The following SLC28A1 variants were observed in gnomAD, a reference collection of about 807,000 sequenced individuals.
SLC28A1 encodes sodium/nucleoside cotransporter 1.
Under a neutral mutation model 74.8 loss-of-function variants are expected in SLC28A1, and 64 were observed. The observed-to-expected ratio is 0.86, with a 90% CI of 0.70 to 1.05. The LOEUF (loss-of-function observed/expected upper bound fraction) is 1.05. Among genes scored for constraint, SLC28A1 ranks in the 50% least tolerant of loss-of-function variants. The pLI, the probability that SLC28A1 is intolerant of heterozygous loss-of-function variation, is 0.00. For synonymous variants in SLC28A1, 359 were observed against 335.0 expected (o/e 1.07, Z -0.78); for missense variants, 828 against 822.8 (o/e 1.01, Z -0.08).
In SLC28A1 at chr15:84,890,433, T is replaced by C. The variant is rs934293196; in HGVS notation, c.186-10T>C. On this transcript the variant is annotated splice_polypyrimidine_tract_variant and intron_variant, in intron 4 of 18. Transcript: ENST00000394573. ...CATGCACTCATGGACCCTGCTGGTC[T>C]TGTTCCCAGGAGGAACCTGCAGCCA... 1.2e-6 allele frequency: 2 copies of C among 1,601,980 alleles called. No homozygotes were observed. The highest frequency in any genetic ancestry group is 1.7e-6 in the Non-Finnish European group (2 of 1,174,674).
intron 13 of SLC28A1, 21 bp from the exon 14 acceptor site, chr15:84,935,005 C>T: frequency 6.2e-7 from 1 of 1,611,376 alleles, no homozygotes; most frequent in Non-Finnish European, 8.5e-7. Flanking sequence ...CAGTAATGAT[C>T]ATTCTTGATC....
chr15:84,885,748 AGG>A (rs1318050188), intron 1 of SLC28A1, among the ~76,000 whole-genome samples: 6 of 151,054 alleles, frequency 4.0e-5, no homozygotes, highest in Admixed American at 2.0e-4. Flanking sequence ...AAAAAAAAAA[AGG>A]AGGAAAATGC....
Position 84,923,091 on chromosome 15 carries a change from GCA to G in SLC28A1, c.958-893_958-892del, listed in dbSNP as rs1970038916. On this transcript the variant is annotated intron_variant, in intron 11 of 18. Coordinates refer to ENST00000394573, the MANE Select transcript of SLC28A1 (RefSeq NM_004213.5). The stretch of plus-strand genomic sequence containing the variant: ...TAGCTGGGATTACTGACATGTGTCA[GCA>G]TGCCCGGCTAATTTTTGTATTTTTA... Among the ~76,000 whole-genome samples the G allele has an allele frequency of 3.3e-5, 5 of 152,008 alleles. No homozygotes were observed. In the South Asian group the frequency reaches 8.3e-4, roughly 25 times the overall value.
rs923212863 is a variant in SLC28A1, at chr15:84,924,953, T to A, written c.1083+843T>A. On this transcript the variant is annotated intron_variant, in intron 12 of 18. Coordinates refer to ENST00000394573, the MANE Select transcript of SLC28A1 (RefSeq NM_004213.5). ...GTCTTGCTCTGTTGCCAGGCTGGAG[T>A]GCAGTGGCGCAATCTTGGCTGACTG... Among the ~76,000 whole-genome samples the A allele has an allele frequency of 2.7e-5, 4 of 149,600 alleles. No homozygotes were observed. The East Asian group carries it at 7.8e-4, about 29-fold the overall frequency.
chr15:84,934,920 C>T, intron 13 of SLC28A1, 106 bp from the exon 14 acceptor site: 1 of 962,814 alleles, frequency 1.0e-6, no homozygotes, highest in Non-Finnish European at 1.7e-6. Context: ...TTAGGATTTC[C>T]CGCTCTGAAA....
At chr15:84,915,579 A>G (rs1294026623) in intron 9 of SLC28A1, among the ~76,000 whole-genome samples, 2 of 152,098 alleles carry the variant, frequency 1.3e-5, no homozygotes, top group Admixed American at 1.3e-4. Context: ...GCTCACTGAC[A>G]TCAGCCTCAG....
At chr15:84,916,325 T>G (rs1185118827) in intron 9 of SLC28A1, among the ~76,000 whole-genome samples, 2 of 150,350 alleles carry the variant, frequency 1.3e-5, no homozygotes, top group African/African-American at 4.9e-5. Context: ...TACTGCAGCC[T>G]CGAACTCCTG....
the SLC28A1 span, among the ~76,000 whole-genome samples, chr15:84,966,762 C>T: frequency 1.5e-3 from 225 of 152,230 alleles, no homozygotes; most frequent in African/African-American, 5.3e-3. Flanking sequence ...TTCACTATCA[C>T]GAGAACAGCA....
chr15:84,956,403 T>C, the SLC28A1 span, among the ~76,000 whole-genome samples: 1 of 150,034 alleles, frequency 6.7e-6, no homozygotes, highest in Admixed American at 6.6e-5. Flanking sequence ...TTTTTCTCTC[T>C]CCCTTCCTTC....
At chr15:84,941,688 A>G (rs1169168166) in intron 15 of SLC28A1, among the ~76,000 whole-genome samples, 1 of 152,174 alleles carries the variant, frequency 6.6e-6, no homozygotes, top group Non-Finnish European at 1.5e-5. Flanking sequence ...GTTTGAGACC[A>G]GCCTGGCCAA....
intron 5 of SLC28A1, among the ~76,000 whole-genome samples, chr15:84,892,669 T>C (rs1200528232): frequency 6.6e-6 from 1 of 152,214 alleles, no homozygotes; most frequent in African/African-American, 2.4e-5. Flanking sequence ...ATCACCTCTT[T>C]CCTGGGGAGG....
the SLC28A1 span, among the ~76,000 whole-genome samples, chr15:84,967,734 G>C: frequency 8.5e-5 from 13 of 152,190 alleles, no homozygotes; most frequent in Non-Finnish European, 1.5e-4. Context: ...AGGCCCTGGG[G>C]TGTTGCATTA....
chr15:84,956,622 A>G, the SLC28A1 span, among the ~76,000 whole-genome samples: 2 of 150,632 alleles, frequency 1.3e-5, no homozygotes, highest in Non-Finnish European at 2.9e-5. Flanking sequence ...CCTCCTGAGT[A>G]GCTGGGACTA....
At chr15:84,932,863 T>A (rs1224532506) in intron 12 of SLC28A1, among the ~76,000 whole-genome samples, 6 of 152,214 alleles carry the variant, frequency 3.9e-5, no homozygotes, top group Admixed American at 3.3e-4. Context: ...CCATATTTAA[T>A]CCTTTGGAGT....
intron 4 of SLC28A1, among the ~76,000 whole-genome samples, chr15:84,890,128 C>A (rs1310855025): frequency 1.9e-4 from 4 of 21,594 alleles, no homozygotes; most frequent in South Asian, 6.6e-3. Flanking sequence ...AGCCACCGCG[C>A]CCCCCCACCG....
intron 15 of SLC28A1, among the ~76,000 whole-genome samples, chr15:84,935,991 G>A (rs1366879908): frequency 3.5e-5 from 4 of 115,760 alleles, no homozygotes; most frequent in African/African-American, 1.1e-4. Context: ...GTCTCACTCT[G>A]TCGCCCAGGC....
the SLC28A1 span, among the ~76,000 whole-genome samples, chr15:84,960,341 C>T: frequency 1.2e-4 from 18 of 145,284 alleles, no homozygotes; most frequent in Admixed American, 2.8e-4. Context: ...CTGCAACCTC[C>T]GCCCCTGCTG....
intron 9 of SLC28A1, among the ~76,000 whole-genome samples, chr15:84,917,431 C>T (rs925064059): frequency 6.6e-6 from 1 of 152,166 alleles, no homozygotes; most frequent in Admixed American, 6.5e-5. Flanking sequence ...TCACACACAA[C>T]GCCCCTCACA....
chr15:84,955,496 G>A, the SLC28A1 span, among the ~76,000 whole-genome samples: 1 of 152,198 alleles, frequency 6.6e-6, no homozygotes, highest in Non-Finnish European at 1.5e-5. Context: ...CACTCGCGCT[G>A]CAGTCTCCCT....
Sources: gnomAD v4.1 joint callset for allele counts (sites outside exome capture counted in the v4.1 genomes callset) on GRCh38, gnomAD v4.1.1 for gene constraint, MANE v1.5 for transcripts, NCBI Gene and HGNC (gene_info 2026-07-23, HGNC 2026-07-21) for gene names.